Variants in SYT2 observed in about 807,000 individuals in gnomAD.
SYT2 encodes the protein synaptotagmin-2.
In SYT2, 15 loss-of-function variants were observed where a neutral mutation model predicts 39.9. The observed-to-expected ratio is 0.38, with a 90% CI of 0.25 to 0.58. The LOEUF (loss-of-function observed/expected upper bound fraction) is 0.58, where lower values mean the gene tolerates loss of function less well. Among genes scored for constraint, SYT2 ranks in the 20% least tolerant of loss-of-function variants. The pLI is 0.70. For missense variants in SYT2, 389 were observed against 530.3 expected (o/e 0.73, Z 2.62); for synonymous variants, 181 against 204.5 (o/e 0.89, Z 0.98).
intron 1 of SYT2, among the ~76,000 whole-genome samples, chr1:202,685,189 G>A (rs1320353724): frequency 2.0e-5 from 3 of 152,140 alleles, no homozygotes; most frequent in Non-Finnish European, 4.4e-5. Flanking sequence ...CTAAAATAGA[G>A]CCATTTCCCA....
intron 1 of SYT2, among the ~76,000 whole-genome samples, chr1:202,665,533 G>T (rs1309019821): frequency 6.6e-6 from 1 of 152,204 alleles, no homozygotes; most frequent in African/African-American, 2.4e-5. Context: ...TGGGCCTTCA[G>T]ATAGTCTATA....
chr1:202,600,440 C>T lies in SYT2; in HGVS notation c.836G>A (p.Arg279His), dbSNP rs1318423342. The change falls in exon 7 of 9, where the codon CGC becomes CAC. Residue 279 changes from arginine (R) to histidine (H), a missense_variant. Physicochemically the swap from Arg to His is conservative, Grantham distance 29. Around this residue, in one of 4 missense-constraint regions of SYT2, gnomAD observed 21 missense variants for 47.0 expected, o/e 0.45. Coordinates refer to ENST00000367268, the MANE Select transcript of SYT2 (RefSeq NM_177402.5). The stretch of plus-strand genomic sequence containing the variant: ...GAGCTTCCCGGCCGTGGGCACATAG[C>T]GCAGGGAGGTGCAGATGTCGCCCAG... ...EKLGDICTSLRYVPTAGKLTV... is the reference protein window; with the variant it reads ...EKLGDICTSLHYVPTAGKLTV... 2 of 1,614,190 alleles carry T rather than the reference C, an allele frequency of 1.2e-6. No individual in the cohort carries two copies. Among genetic ancestry groups the T allele is most frequent in the Non-Finnish European group, 8.5e-7 (1 of 1,180,020 alleles).
chr1:202,613,068 CTTTTTT>C lies in SYT2; in HGVS notation c.-17-7285_-17-7280del, dbSNP rs146069389. Among the ~76,000 whole-genome samples, 12 of 75,118 alleles carry C rather than the reference CTTTTTT, an allele frequency of 1.6e-4. No individual in the cohort carries two copies. In the East Asian group the frequency reaches 3.1e-3, roughly 20 times the overall value. 49.3% of individuals were successfully genotyped at this position (75,118 alleles called of 152,430 possible). Reference sequence around the variant, plus strand: ...ACATTGCCGAACTCATTGGTTCTTCCTTTTTTTTTTTTTTTTTTTTTTTTTTTTTCC... The same window carrying C: ...ACATTGCCGAACTCATTGGTTCTTCCTTTTTTTTTTTTTTTTTTTTTTTCC... On this transcript the variant is annotated intron_variant, in intron 1 of 8. Coordinates refer to ENST00000367268, the MANE Select transcript of SYT2 (RefSeq NM_177402.5).
chr1:202,615,640 C>T (rs1397918495), intron 1 of SYT2, among the ~76,000 whole-genome samples: 1 of 152,210 alleles, frequency 6.6e-6, no homozygotes, highest in East Asian at 1.9e-4. Flanking sequence ...CCTGCCTGGC[C>T]TGGCCCCTGG....
At chr1:202,615,002 G>A (rs1397204881) in intron 1 of SYT2, among the ~76,000 whole-genome samples, 1 of 152,232 alleles carries the variant, frequency 6.6e-6, no homozygotes, top group Non-Finnish European at 1.5e-5. Flanking sequence ...CGCTTTGGCT[G>A]TCGTGAGTAA....
chr1:202,647,462 C>T (rs72750624), intron 1 of SYT2, among the ~76,000 whole-genome samples: 38 of 152,204 alleles, frequency 2.5e-4, no homozygotes, highest in Middle Eastern at 3.4e-3. Flanking sequence ...GGCTTCCCCC[C>T]CCAACCGTAC....
chr1:202,636,348 A>G, intron 1 of SYT2: 3 of 985,314 alleles, frequency 3.0e-6, no homozygotes, highest in Non-Finnish European at 3.6e-6. Context: ...ACATGCCAGG[A>G]CCTCAGCCAG....
chr1:202,669,780 C>G (rs1168432156), intron 1 of SYT2, among the ~76,000 whole-genome samples: 1 of 151,588 alleles, frequency 6.6e-6, no homozygotes, highest in Non-Finnish European at 1.5e-5. Flanking sequence ...AAAAGACCAC[C>G]CACAATTCTT....
intron 1 of SYT2, among the ~76,000 whole-genome samples, chr1:202,629,316 C>G (rs1194210246): frequency 6.6e-6 from 1 of 152,200 alleles, no homozygotes; most frequent in African/African-American, 2.4e-5. Flanking sequence ...GCCCCTGTGT[C>G]CAGATACTGC....
intron 1 of SYT2, among the ~76,000 whole-genome samples, chr1:202,709,868 G>C (rs535741186): frequency 1.3e-5 from 2 of 152,126 alleles, no homozygotes; most frequent in South Asian, 4.1e-4. Context: ...CGCTAGGGCT[G>C]GCGGGGGCTG....
intron 1 of SYT2, among the ~76,000 whole-genome samples, chr1:202,616,893 T>C (rs1268437590): frequency 6.6e-6 from 1 of 152,230 alleles, no homozygotes; most frequent in Admixed American, 6.5e-5. Context: ...ACAGGTCAAC[T>C]GGCCCCCGAC....
intron 1 of SYT2, among the ~76,000 whole-genome samples, chr1:202,650,927 GGAA>G (rs769999016): frequency 2.0e-5 from 3 of 152,276 alleles, no homozygotes; most frequent in South Asian, 4.1e-4. Flanking sequence ...GCTCCAGCGT[GGAA>G]GAAGGAGGAC....
rs1001328606 is a variant in SYT2, at chr1:202,601,132, G to C, written c.802-658C>G. On this transcript the variant is annotated intron_variant, in intron 6 of 8. Transcript: ENST00000367268. This position sits in a 1 kb window ranked among gnomAD's most constrained non-coding sequence, Gnocchi z 4.0. ...CAAAGTCACACAACAATTTAGCACT[G>C]TAGGCAGGCTGAGGACCCAGGGCTC... 7.9e-5 allele frequency among the ~76,000 whole-genome samples: 12 copies of C among 152,300 alleles called. No homozygotes were observed. Among genetic ancestry groups the C allele is most frequent in the Middle Eastern group, 3.4e-3 (1 of 294 alleles).
chr1:202,649,402 G>A (rs1165268020), intron 1 of SYT2, among the ~76,000 whole-genome samples: 2 of 152,212 alleles, frequency 1.3e-5, no homozygotes, highest in Non-Finnish European at 2.9e-5. Context: ...ATGGTGATAG[G>A]AAGCACGAAT....
At chr1:202,629,878 G>GGT (rs567102569) in intron 1 of SYT2, among the ~76,000 whole-genome samples, 11 of 119,398 alleles carry the variant, frequency 9.2e-5, no homozygotes, top group African/African-American at 3.7e-4. Context: ...GGGGGGGGGG[G>GGT]GGTGGTACGG....
chr1:202,614,772 G>A lies in SYT2; in HGVS notation c.-17-8983C>T, dbSNP rs1572625411. Reference sequence around the variant, plus strand: ...AGCCTATGCAAAGGCCCAGAGGTGGGATGCAGTGTGGTGAGTCCAAAGCCT... The same window carrying A: ...AGCCTATGCAAAGGCCCAGAGGTGGAATGCAGTGTGGTGAGTCCAAAGCCT... On this transcript the variant is annotated intron_variant, in intron 1 of 8. Coordinates refer to ENST00000367268, the MANE Select transcript of SYT2 (RefSeq NM_177402.5). The surrounding 1 kb of genome is among the most constrained non-coding windows in gnomAD (Gnocchi z 4.0). 6.6e-6 allele frequency among the ~76,000 whole-genome samples: 1 copy of A among 152,230 alleles called. No individual in the cohort carries two copies. The highest frequency in any genetic ancestry group is 1.9e-4 in the East Asian group (1 of 5,202).
intron 1 of SYT2, among the ~76,000 whole-genome samples, chr1:202,708,120 C>G (rs1654297902): frequency 6.6e-6 from 1 of 152,200 alleles, no homozygotes; most frequent in Non-Finnish European, 1.5e-5. Flanking sequence ...GCAAGCTTCT[C>G]TAGGTGAAAA....
chr1:202,679,123 C>G (rs1300878931), intron 1 of SYT2, among the ~76,000 whole-genome samples: 1 of 152,148 alleles, frequency 6.6e-6, no homozygotes, highest in Non-Finnish European at 1.5e-5. Flanking sequence ...ACTGCTCCTT[C>G]CCTCCGCTCA....
In SYT2 at chr1:202,602,125, G is replaced by A. The variant is rs191045942; in HGVS notation, c.634-68C>T. 299 of 1,578,070 alleles carry A rather than the reference G, an allele frequency of 1.9e-4. 3 individuals are homozygous for A. Among genetic ancestry groups the A allele is most frequent in the Admixed American group, 2.6e-4 (15 of 57,702 alleles). Reference sequence around the variant, plus strand: ...CGCACCTCCAGGGGTGCTATGGGCAGGGGCCTGCATTCCAGCCCACAGGGT... The same window carrying A: ...CGCACCTCCAGGGGTGCTATGGGCAAGGGCCTGCATTCCAGCCCACAGGGT... On this transcript the variant is annotated intron_variant, in intron 5 of 8. Coordinates refer to ENST00000367268, the MANE Select transcript of SYT2 (RefSeq NM_177402.5).
Sources: allele counts gnomAD v4.1 joint callset (sites outside exome capture counted in the v4.1 genomes callset), GRCh38; gene constraint gnomAD v4.1.1; regional missense constraint gnomAD v4.1.1; non-coding constraint Gnocchi (gnomAD v3.1); transcripts MANE v1.5; gene names NCBI Gene and HGNC (gene_info 2026-07-23, HGNC 2026-07-21).